The following SLCO1B1 variants were observed in gnomAD, a reference collection of about 807,000 sequenced individuals.
The protein encoded by SLCO1B1 is OATP-2.
Under a neutral mutation model 70.1 loss-of-function variants are expected in SLCO1B1, and 81 were observed. The observed-to-expected ratio is 1.16, with a 90% CI of 0.97 to 1.39. The LOEUF (loss-of-function observed/expected upper bound fraction) is 1.39, where lower values mean the gene tolerates loss of function less well. Ranked by LOEUF, SLCO1B1 falls within the 40% of genes most tolerant of loss-of-function variation. The pLI is 0.00. For synonymous variants in SLCO1B1, 283 were observed against 271.5 expected, an observed-to-expected ratio of 1.04 and a Z score of -0.42; for missense variants, 895 against 799.6, an observed-to-expected ratio of 1.12 and a Z score of -1.44.
At chr12:21,176,979 T>C in intron 5 of SLCO1B1, 82 bp downstream of exon 5, 1 of 1,052,474 alleles carries the variant, frequency 9.5e-7, no homozygotes, top group Non-Finnish European at 1.5e-6. Flanking sequence ...TGATATTCAT[T>C]AGCAAAATTT....
intron 7 of SLCO1B1, among the ~76,000 whole-genome samples, chr12:21,191,618 C>CT (rs1438334645): frequency 1.3e-5 from 2 of 151,922 alleles, no homozygotes; most frequent in Admixed American, 1.3e-4. Context: ...GTTTGAATGT[C>CT]TTTTATTTCT....
At chr12:21,197,233 A>G (rs747286752) in intron 8 of SLCO1B1, 45 bp downstream of exon 8, 3 of 1,604,312 alleles carry the variant, frequency 1.9e-6, no homozygotes, top group Non-Finnish European at 2.6e-6. Flanking sequence ...GTTAATCTCA[A>G]TGAAAAGGAA....
intron 2 of SLCO1B1, among the ~76,000 whole-genome samples, chr12:21,146,453 A>AATTTTT (rs1041781731): frequency 1.9e-4 from 29 of 152,152 alleles, no homozygotes; most frequent in African/African-American, 6.7e-4. Context: ...TTTCAGGTCC[A>AATTTTT]ATTTTTATTC....
chr12:21,155,280 T>C (rs1267379178), intron 2 of SLCO1B1, among the ~76,000 whole-genome samples: 2 of 151,940 alleles, frequency 1.3e-5, no homozygotes, highest in African/African-American at 4.8e-5. Context: ...TTCAATGTTT[T>C]AAATGAAATA....
chr12:21,205,900 C>T lies in SLCO1B1; in HGVS notation c.1364C>T (p.Pro455Leu). ...CCAGTGACATCTCATAGAGATGTAC[C>T]ACTTTCTTATTGCAACTCAGACTGC... is the stretch of plus-strand genomic sequence containing the variant. Reference protein sequence around the residue: ...NNPVTSHRDVPLSYCNSDCNC... With the variant: ...NNPVTSHRDVLLSYCNSDCNC... The change falls in exon 11 of 15, where the codon CCA becomes CTA. Residue 455 changes from proline (P) to leucine (L), a missense_variant. Transcript: ENST00000256958. 2 of 1,610,136 alleles carry T rather than the reference C, an allele frequency of 1.2e-6. No individual in the cohort carries two copies. The highest frequency in any genetic ancestry group is 2.2e-5 in the East Asian group (1 of 44,744).
At chr12:21,144,940 A>G (rs115304053) in intron 2 of SLCO1B1, among the ~76,000 whole-genome samples, 2,294 of 152,302 alleles carry the variant, frequency 0.015, 52 homozygotes, top group African/African-American at 0.052. Flanking sequence ...AAAGAATGAT[A>G]CCTGTCACCA....
intron 11 of SLCO1B1, among the ~76,000 whole-genome samples, chr12:21,209,576 T>C (rs1321391744): frequency 1.3e-5 from 2 of 152,186 alleles, no homozygotes; most frequent in African/African-American, 4.8e-5. Context: ...ATATACCCAG[T>C]AATGGGATGG....
chr12:21,225,326 A>G (rs1230017562), intron 14 of SLCO1B1, among the ~76,000 whole-genome samples: 1 of 152,176 alleles, frequency 6.6e-6, no homozygotes, highest in Non-Finnish European at 1.5e-5. Context: ...ATATGTTTCT[A>G]TATTACTCTA....
chr12:21,237,107 T>C (rs1174443091), intron 14 of SLCO1B1, among the ~76,000 whole-genome samples: 3 of 152,162 alleles, frequency 2.0e-5, no homozygotes, highest in African/African-American at 7.2e-5. Flanking sequence ...CCTATTTTTG[T>C]CTTCTATTCT....
intron 2 of SLCO1B1, among the ~76,000 whole-genome samples, chr12:21,145,170 G>T (rs1940363646): frequency 6.6e-6 from 1 of 152,158 alleles, no homozygotes; most frequent in South Asian, 2.1e-4. Flanking sequence ...CATGACTCAT[G>T]TATCATGACA....
intron 2 of SLCO1B1, among the ~76,000 whole-genome samples, chr12:21,157,693 C>A (rs190582821): frequency 6.6e-5 from 10 of 151,622 alleles, no homozygotes; most frequent in African/African-American, 2.4e-4. Context: ...GCTCTGCCTC[C>A]CAGGTTCACG....
chr12:21,206,151 C>T, intron 11 of SLCO1B1, 118 bp downstream of exon 11: 1 of 861,364 alleles, frequency 1.2e-6, no homozygotes, highest in South Asian at 1.5e-5. Flanking sequence ...GAGAAAGTTT[C>T]CAGTATTATC....
At chr12:21,165,184 G>T (rs1449648396) in intron 2 of SLCO1B1, among the ~76,000 whole-genome samples, 1 of 152,118 alleles carries the variant, frequency 6.6e-6, no homozygotes, top group Admixed American at 6.6e-5. Context: ...TGCCATGATT[G>T]CAGGCAAGTA....
At chr12:21,213,927 A>C (rs1213891868) in intron 11 of SLCO1B1, among the ~76,000 whole-genome samples, 19 of 148,886 alleles carry the variant, frequency 1.3e-4, no homozygotes, top group African/African-American at 4.5e-4. Context: ...AGCTCCTTTA[A>C]GCACTTCTCT....
At position 21,207,085 on chromosome 12, in the gene SLCO1B1, G is replaced by A. The variant is rs539277106; in HGVS notation, c.1497+1052G>A. On this transcript the variant is annotated intron_variant, in intron 11 of 14. Transcript: ENST00000256958. ...ATGGCAACAATGAATCTTTTGTGCA[G>A]TTGTTTCCTTTTCCTTTGCTGTTTA... 7.2e-5 allele frequency among the ~76,000 whole-genome samples: 11 copies of A among 152,000 alleles called. No individual in the cohort carries two copies. The South Asian group carries it at 2.1e-3, about 29-fold the overall frequency.
At chr12:21,157,975 AAGAG>A (rs375316860) in intron 2 of SLCO1B1, among the ~76,000 whole-genome samples, 87 of 152,290 alleles carry the variant, frequency 5.7e-4, no homozygotes, top group African/African-American at 2.0e-3. Context: ...AAGATAAAGA[AAGAG>A]AGGTCACATT....
chr12:21,202,903 T>C (rs938188560), intron 10 of SLCO1B1, among the ~76,000 whole-genome samples: 4 of 152,120 alleles, frequency 2.6e-5, no homozygotes, highest in African/African-American at 9.6e-5. Context: ...GTAATAATAA[T>C]AACTATTATT....
At chr12:21,167,899 C>T (rs566250061) in intron 2 of SLCO1B1, among the ~76,000 whole-genome samples, 6 of 151,002 alleles carry the variant, frequency 4.0e-5, no homozygotes, top group African/African-American at 7.3e-5. Context: ...TCACTGCAAC[C>T]GCCGCCTCCT....
Position 21,205,878 on chromosome 12 carries a change from G to C in SLCO1B1, c.1342G>C (p.Val448Leu). The C allele has an allele frequency of 6.2e-7, 1 of 1,606,218 alleles. No individual in the cohort carries two copies. The highest frequency in any genetic ancestry group is 8.5e-7 in the Non-Finnish European group (1 of 1,174,394). ...ATCATATATTTCCAGAAATAATCCA[G>C]TGACATCTCATAGAGATGTACCACT... ...LTMTYDGNNP[V>L]TSHRDVPLSY... The change falls in exon 11 of 15, where the codon GTG becomes CTG. Residue 448 changes from valine (V) to leucine (L), a missense_variant. Coordinates refer to ENST00000256958, the MANE Select transcript of SLCO1B1 (RefSeq NM_006446.5).
Sources: allele counts gnomAD v4.1 joint callset (sites outside exome capture counted in the v4.1 genomes callset), GRCh38; gene constraint gnomAD v4.1.1; transcripts MANE v1.5; gene names NCBI Gene and HGNC (gene_info 2026-07-23, HGNC 2026-07-21).